Variants in TTN observed in about 807,000 individuals in gnomAD.
TTN encodes connectin.
Under a neutral mutation model 3,223.0 loss-of-function variants are expected in TTN, and 1,525 were observed. The ratio of observed to expected loss-of-function variants is 0.47; its 90% CI spans 0.45 to 0.49. TTN has a LOEUF of 0.49. Ranked by LOEUF, TTN falls within the 20% of genes least tolerant of loss-of-function variation. The pLI, the probability that TTN is intolerant of heterozygous loss-of-function variation, is 0.00. For synonymous variants in TTN, 14,094 were observed against 15,161.0 expected, an observed-to-expected ratio of 0.93 and a Z score of 5.17; for missense variants, 40,786 against 43,424.0, an observed-to-expected ratio of 0.94 and a Z score of 5.40.
rs1461657543 is a variant in TTN, at chr2:178,567,062, T to C, written c.79070A>G (p.Tyr26357Cys). ...KVTKLLEGNE[Y>C]VFRIMAVNKY... ...GTTGACAGCCATTATACGGAAAACATATTCATTACCTTCTAAGAGTTTGGT... is the reference window on the plus strand; with the variant it reads ...GTTGACAGCCATTATACGGAAAACACATTCATTACCTTCTAAGAGTTTGGT... The change falls in exon 326 of 363, where the codon TAT becomes TGT. Residue 26357 changes from tyrosine (Y) to cysteine (C), a missense_variant. Physicochemically the swap from Tyr to Cys is radical, Grantham distance 194. Coordinates refer to ENST00000589042, the MANE Select transcript of TTN (RefSeq NM_001267550.2). The C allele has an allele frequency of 2.5e-6, 4 of 1,613,434 alleles. No homozygotes were observed. The South Asian group carries it at 3.3e-5, about 13-fold the overall frequency.
At position 178,530,136 on chromosome 2, in the gene TTN, T is replaced by C; in HGVS notation, c.106375-20A>G. 2.5e-6 allele frequency: 4 copies of C among 1,571,854 alleles called. No homozygotes were observed. Among genetic ancestry groups the C allele is most frequent in the Non-Finnish European group, 3.4e-6 (4 of 1,165,978 alleles). On this transcript the variant is annotated intron_variant, in intron 358 of 362. Coordinates refer to ENST00000589042, the MANE Select transcript of TTN (RefSeq NM_001267550.2). ...AATGGCCTGTAGAATGCAAATGATT[T>C]GTGTTTTAAAAAGTGATTTCATTTT...
intron 312 of TTN, 59 bp from the exon 313 acceptor site, chr2:178,583,286 T>C (rs2048187698): frequency 2.2e-6 from 3 of 1,383,204 alleles, no homozygotes; most frequent in Non-Finnish European, 2.9e-6. Flanking sequence ...GTAATCCTTA[T>C]TAATAATAGT....
intron 245 of TTN, 48 bp from the exon 246 acceptor site, chr2:178,621,416 TTAAATC>T (rs760284232): frequency 5.4e-5 from 86 of 1,606,978 alleles, no homozygotes; most frequent in Non-Finnish European, 6.5e-5. Flanking sequence ...TCTTTGTACT[TTAAATC>T]TAGCAAGTGT....
chr2:178,593,806 A>G lies in TTN; in HGVS notation c.58494T>C (p.Val19498=). The part of the protein sequence containing the change: ...SFDEVTKDYM[V]ISWKPPLDDG... The stretch of plus-strand genomic sequence containing the variant: ...CATCTAAAGGAGGCTTCCAAGAGAT[A>G]ACCATGTAATCTTTGGTCACCTCAT... Residue 19498 remains valine, a synonymous_variant, in exon 298 of 363, where the codon GTT becomes GTC. Transcript: ENST00000589042. The G allele has an allele frequency of 1.2e-6, 2 of 1,613,110 alleles. No homozygotes were observed. The highest frequency in any genetic ancestry group is 2.2e-5 in the South Asian group (2 of 91,044).
chr2:178,648,811 T>G (rs2062443056), intron 213 of TTN, among the ~76,000 whole-genome samples: 1 of 152,188 alleles, frequency 6.6e-6, no homozygotes, highest in Non-Finnish European at 1.5e-5. Flanking sequence ...TTTCTTGCCG[T>G]GTGTTTCTGC....
rs1560098444 is a variant in TTN, at chr2:178,651,546, A to G, written c.39464-10T>C. ...TTGGGCACCTCGGGCACTATAAAAG[A>G]TATTAGTAGTTGTTTAAGCTCATGG... On this transcript the variant is annotated splice_polypyrimidine_tract_variant and intron_variant, in intron 206 of 362. Coordinates refer to ENST00000589042, the MANE Select transcript of TTN (RefSeq NM_001267550.2). The G allele has an allele frequency of 6.2e-7, 1 of 1,612,716 alleles. No homozygotes were observed. The highest frequency in any genetic ancestry group is 2.2e-5 in the East Asian group (1 of 44,838).
intron 221 of TTN, 90 bp downstream of exon 221, chr2:178,640,451 G>T: frequency 1.7e-6 from 2 of 1,171,926 alleles, no homozygotes; most frequent in African/African-American, 1.5e-5. Flanking sequence ...TTAAGGTCAT[G>T]TGTTCAAATC....
intron 218 of TTN, among the ~76,000 whole-genome samples, chr2:178,643,368 T>C (rs538983287): frequency 6.6e-6 from 1 of 152,020 alleles, no homozygotes; most frequent in East Asian, 1.9e-4. Flanking sequence ...ATCATTTTTT[T>C]AATGTCAAAT....
In TTN at chr2:178,723,063, G is replaced by C. The variant is rs771646076; in HGVS notation, c.21944C>G (p.Ala7315Gly). The C allele has an allele frequency of 2.5e-6, 4 of 1,613,418 alleles. No homozygotes were observed. Among genetic ancestry groups the C allele is most frequent in the Non-Finnish European group, 3.4e-6 (4 of 1,179,630 alleles). Residue 7315 changes from alanine (A) to glycine (G), a missense_variant, in exon 75 of 363, where the codon GCT (alanine) becomes GGT (glycine). Ala to Gly is a moderately conservative substitution (Grantham distance 60). Transcript: ENST00000589042. ...CAACACACCTAATGTAGATACCAGA[G>C]CTCCACAAACATCCCTTCCTGCCTC... ...ENEAGRDVCGALVSTLEPPYF... is the reference protein window; with the variant it reads ...ENEAGRDVCGGLVSTLEPPYF...
rs529719640 is a variant in TTN at position 178,581,711 on chromosome 2, C to T, written c.66557G>A (p.Ser22186Asn). ...SWGKPAYDGGSPIIGYLVEVK... is the reference protein window; with the variant it reads ...SWGKPAYDGGNPIIGYLVEVK... ...TTCAACGAGATAACCAATGATAGGG[C>T]TGCCGCCGTCATAGGCTGGCTTGCC... Residue 22186 changes from serine (S) to asparagine (N), a missense_variant, in exon 316 of 363, where the codon AGC becomes AAC. Ser to Asn is a conservative substitution (Grantham distance 46). Transcript: ENST00000589042. 6.2e-7 allele frequency: 1 copy of T among 1,610,964 alleles called. No homozygotes were observed. The highest frequency in any genetic ancestry group is 1.3e-5 in the African/African-American group (1 of 74,968).
At chr2:178,685,022 T>G (rs2070471632) in intron 129 of TTN, 33 bp from the exon 130 acceptor site, 1 of 1,525,696 alleles carries the variant, frequency 6.6e-7, no homozygotes, top group African/African-American at 1.4e-5. Flanking sequence ...AATATGAGTT[T>G]GCCTTACATA....
At position 178,721,053 on chromosome 2, in the gene TTN, T is replaced by C. The variant is rs184123332; in HGVS notation, c.22966A>G (p.Asn7656Asp). 141 of 1,613,416 alleles carry C rather than the reference T, an allele frequency of 8.7e-5. No individual in the cohort carries two copies. The East Asian group carries it at 3.1e-3, about 35-fold the overall frequency. ...GCCACAGAATTAATGAATGACATGTTGTATTTCCAACTTTCATGAAGTTCG... is the reference window on the plus strand; with the variant it reads ...GCCACAGAATTAATGAATGACATGTCGTATTTCCAACTTTCATGAAGTTCG... Reference protein sequence around the residue: ...DSELHESWKYNMSFINSVALL... With the variant: ...DSELHESWKYDMSFINSVALL... Residue 7656 changes from asparagine to aspartate, a missense_variant, in exon 79 of 363, where the codon AAC becomes GAC. Transcript: ENST00000589042.
Position 178,565,603 on chromosome 2 carries a change from C to G in TTN, c.80529G>C (p.Leu26843Phe). The G allele has an allele frequency of 6.2e-7, 1 of 1,613,580 alleles. No individual in the cohort carries two copies. The highest frequency in any genetic ancestry group is 8.5e-7 in the Non-Finnish European group (1 of 1,179,624). Reference protein sequence around the residue: ...SKVCNAVVTGLSSGQEYQFRV... With the variant: ...SKVCNAVVTGFSSGQEYQFRV... Reference sequence around the variant, plus strand: ...GGAACTGATATTCTTGTCCAGAACTCAAACCAGTAACAACTGCATTACAGA... The same window carrying G: ...GGAACTGATATTCTTGTCCAGAACTGAAACCAGTAACAACTGCATTACAGA... Residue 26843 changes from leucine (L) to phenylalanine (F), a missense_variant, in exon 326 of 363, where the codon TTG becomes TTC. Coordinates refer to ENST00000589042, the MANE Select transcript of TTN (RefSeq NM_001267550.2).
rs772161489 is a variant in TTN at position 178,731,523 on chromosome 2, G to T, written c.17243C>A (p.Ala5748Asp). The change falls in exon 59 of 363, where the codon GCC becomes GAC. Residue 5748 changes from alanine (A) to aspartate (D), a missense_variant. Transcript: ENST00000589042. ...GGAGCCCTTCAGAGTGGCCTGGAAG[G>T]CAGCTGTGCCTCCCCGGAGGGAGCT... ...STSSLRGGTAAFQATLKGSLP... is the reference protein window; with the variant it reads ...STSSLRGGTADFQATLKGSLP... The T allele has an allele frequency of 1.2e-6, 2 of 1,613,276 alleles. No individual in the cohort carries two copies. Among genetic ancestry groups the T allele is most frequent in the Admixed American group, 1.7e-5 (1 of 59,950 alleles).
chr2:178,536,010 C>T lies in TTN; in HGVS notation c.100737G>A (p.Val33579=). The stretch of plus-strand genomic sequence containing the variant: ...CCACTTCCAAGGAGGCAGTGCCAGA[C>T]ACAGATCCCCCTTGGTTGGTAGCTC... ...QVRATNQGGS[V]SGTASLEVEV... The change falls in exon 357 of 363, where the codon GTG becomes GTA. Residue 33579 remains valine (V), a synonymous_variant. Transcript: ENST00000589042. The T allele has an allele frequency of 1.9e-6, 3 of 1,551,824 alleles. No individual in the cohort carries two copies. The highest frequency in any genetic ancestry group is 2.6e-6 in the Non-Finnish European group (3 of 1,150,470).
In TTN at chr2:178,537,458, T is replaced by C. The variant is rs1395830573; in HGVS notation, c.99749A>G (p.His33250Arg). 2 of 1,613,380 alleles carry C rather than the reference T, an allele frequency of 1.2e-6. No homozygotes were observed. Among genetic ancestry groups the C allele is most frequent in the East Asian group, 2.2e-5 (1 of 44,826 alleles). The change falls in exon 355 of 363, where the codon CAC becomes CGC. Residue 33250 changes from histidine (H) to arginine (R), a missense_variant. Physicochemically the swap from His to Arg is conservative, Grantham distance 29 (BLOSUM62 0). Coordinates refer to ENST00000589042, the MANE Select transcript of TTN (RefSeq NM_001267550.2). ...SENITIENTE[H>R]YTHLVMKNVQ... is the part of the protein sequence containing the mutation. Reference sequence around the variant, plus strand: ...ATTCTTCATGACAAGATGAGTATAGTGCTCAGTGTTTTCAATAGTAATGTT... The same window carrying C: ...ATTCTTCATGACAAGATGAGTATAGCGCTCAGTGTTTTCAATAGTAATGTT...
chr2:178,752,433 AATT>A (rs780750629), intron 47 of TTN, among the ~76,000 whole-genome samples: 1 of 152,072 alleles, frequency 6.6e-6, no homozygotes, highest in Non-Finnish European at 1.5e-5. Context: ...TTGTAGATTA[AATT>A]ATTATATTTT....
At position 178,605,524 on chromosome 2, in the gene TTN, A is replaced by G. The variant is rs879168076; in HGVS notation, c.53771T>C (p.Val17924Ala). Residue 17924 changes from valine (V) to alanine (A), a missense_variant, in exon 279 of 363, where the codon GTT becomes GCT. Coordinates refer to ENST00000589042, the MANE Select transcript of TTN (RefSeq NM_001267550.2). ...CATTTGGTGTTCATCAAGATTTTCA[A>G]CCAGAAAAGATGTGGTTGGGCAGAG... ...KRLCPTTSFL[V>A]ENLDEHQMYE... is the part of the protein sequence containing the mutation. The G allele has an allele frequency of 5.0e-6, 8 of 1,612,312 alleles. No homozygotes were observed. The highest frequency in any genetic ancestry group is 3.3e-5 in the Admixed American group (2 of 59,924).
chr2:178,605,098 T>C lies in TTN; in HGVS notation c.54079A>G (p.Lys18027Glu), dbSNP rs374256705. The change falls in exon 280 of 363, where the codon AAA becomes GAA. Residue 18027 changes from lysine (K) to glutamate (E), a missense_variant. Coordinates refer to ENST00000589042, the MANE Select transcript of TTN (RefSeq NM_001267550.2). ...TKEEVSRSEA[K>E]TELSIPKAVR... ...GCTTTGGGAATGCTAAGCTCAGTTT[T>C]TGCCTCACTTCGGGATACCTCTTCC... 1 of 1,612,790 alleles carries C rather than the reference T, an allele frequency of 6.2e-7. No homozygotes were observed. The highest frequency in any genetic ancestry group is 8.5e-7 in the Non-Finnish European group (1 of 1,179,198).
Sources: gnomAD v4.1 joint callset for allele counts (sites outside exome capture counted in the v4.1 genomes callset) on GRCh38, gnomAD v4.1.1 for gene constraint, MANE v1.5 for transcripts, NCBI Gene and HGNC (gene_info 2026-07-23, HGNC 2026-07-21) for gene names.